The following NDEL1 variants were observed in gnomAD, a reference collection of about 807,000 sequenced individuals.
NDEL1 encodes nuclear distribution protein nudE-like 1.
In NDEL1, 9 loss-of-function variants were observed where a neutral mutation model predicts 45.7. The observed-to-expected ratio is 0.20, with a 90% confidence interval of 0.12 to 0.34. The LOEUF is 0.34. Among genes scored for constraint, NDEL1 ranks in the 10% least tolerant of loss-of-function variants. The pLI is 1.00. For missense variants in NDEL1, 306 were observed against 406.2 expected (o/e 0.75, Z 2.12); for synonymous variants, 133 against 158.6 (o/e 0.84, Z 1.21).
intron 6 of NDEL1, among the ~76,000 whole-genome samples, chr17:8,452,693 CTTTCTT>C (rs1242804189): frequency 2.1e-5 from 3 of 143,804 alleles, no homozygotes; most frequent in Admixed American, 2.1e-4. Context: ...CTTTCTCTTT[CTTTCTT>C]TTTCTTTCTT....
chr17:8,434,756 C>G (rs1909154105), upstream of NDEL1, among the ~76,000 whole-genome samples: 1 of 151,796 alleles, frequency 6.6e-6, no homozygotes, highest in South Asian at 2.1e-4. Context: ...TGTTTACGTA[C>G]TAAAAATATA....
upstream of NDEL1, among the ~76,000 whole-genome samples, chr17:8,432,359 A>AATATATATATATATATTATATATAAATAT (rs1567722425): frequency 2.5e-4 from 15 of 59,812 alleles, 1 homozygote; most frequent in Middle Eastern, 8.5e-3. Context: ...TATAAATATA[A>AATATATATATATATATTATATATAAATAT]ATATATATAT....
At chr17:8,435,276 C>G (rs1343151996), upstream of NDEL1, among the ~76,000 whole-genome samples, 4 of 22,546 alleles carry the variant, frequency 1.8e-4, no homozygotes, top group Non-Finnish European at 2.5e-3. Context: ...TTTGTGCCAA[C>G]GAATCCATTC....
At chr17:8,463,832 G>A (rs548468303) in intron 8 of NDEL1, among the ~76,000 whole-genome samples, 1 of 152,332 alleles carries the variant, frequency 6.6e-6, no homozygotes, top group East Asian at 1.9e-4. Flanking sequence ...ACATGGGGAC[G>A]TGTGTAAGAT....
chr17:8,443,656 AG>A (rs1206670130), intron 1 of NDEL1, among the ~76,000 whole-genome samples: 3 of 152,154 alleles, frequency 2.0e-5, no homozygotes, highest in Non-Finnish European at 4.4e-5. Context: ...TTGGGAGAGA[AG>A]AACCAGGATG....
intron 1 of NDEL1, among the ~76,000 whole-genome samples, chr17:8,428,932 C>T (rs1238625447): frequency 6.6e-6 from 1 of 152,178 alleles, no homozygotes; most frequent in Non-Finnish European, 1.5e-5. Flanking sequence ...CTTGGCCTCC[C>T]AAAGTGCTGG....
intron 8 of NDEL1, 99 bp downstream of exon 8, chr17:8,460,259 C>A: frequency 1.6e-6 from 2 of 1,277,046 alleles, no homozygotes; most frequent in Non-Finnish European, 2.2e-6. Context: ...CTCAGCTTGA[C>A]AAACCTTCCC....
At chr17:8,443,839 T>C (rs188680744) in intron 1 of NDEL1, 1 of 153,228 alleles carries the variant, frequency 6.5e-6, no homozygotes, top group African/African-American at 2.4e-5. Context: ...AGCAGATGTT[T>C]TGAAGCAGTT....
intron 1 of NDEL1, among the ~76,000 whole-genome samples, chr17:8,439,036 G>C (rs374698941): frequency 1.3e-5 from 2 of 150,920 alleles, no homozygotes; most frequent in Non-Finnish European, 1.5e-5. Flanking sequence ...CTGCCTCCCG[G>C]GTTCACGCCA....
chr17:8,424,794 G>A (rs1597513111), intron 1 of NDEL1, among the ~76,000 whole-genome samples: 1 of 142,730 alleles, frequency 7.0e-6, no homozygotes, highest in Admixed American at 7.0e-5. Flanking sequence ...GTGAGCCACC[G>A]CGCCCACAGC....
chr17:8,440,851 A>C (rs908934552), intron 1 of NDEL1, among the ~76,000 whole-genome samples: 1 of 152,254 alleles, frequency 6.6e-6, no homozygotes, highest in Non-Finnish European at 1.5e-5. Context: ...CTCTGATACT[A>C]TATAAATGGG....
chr17:8,457,751 G>A (rs1206086258), intron 7 of NDEL1, among the ~76,000 whole-genome samples: 1 of 152,032 alleles, frequency 6.6e-6, no homozygotes, highest in African/African-American at 2.4e-5. Flanking sequence ...GCAAATTCCT[G>A]TCCGTGGCTA....
chr17:8,441,335 A>C (rs1454930912), intron 1 of NDEL1, among the ~76,000 whole-genome samples: 2 of 152,222 alleles, frequency 1.3e-5, no homozygotes, highest in Non-Finnish European at 2.9e-5. Context: ...CAAAGGCTAC[A>C]AAACCAGAGG....
intron 3 of NDEL1, chr17:8,474,261 C>CT (rs1912145527): frequency 6.6e-6 from 1 of 152,606 alleles, no homozygotes; most frequent in South Asian, 2.1e-4. Context: ...TCCACGGGTG[C>CT]TTTTTTCTTC....
At chr17:8,474,256 G>A (rs947060952) in intron 3 of NDEL1, 1 of 152,570 alleles carries the variant, frequency 6.6e-6, no homozygotes, top group Admixed American at 6.5e-5. Context: ...TATTCTCCAC[G>A]GGTGCTTTTT....
chr17:8,434,482 G>A (rs1445561798), upstream of NDEL1, among the ~76,000 whole-genome samples: 1 of 152,160 alleles, frequency 6.6e-6, no homozygotes, highest in East Asian at 1.9e-4. Context: ...TTCCCAAAGT[G>A]CTGCAGCGCC....
downstream of NDEL1, among the ~76,000 whole-genome samples, chr17:8,471,846 G>A (rs148272048): frequency 9.9e-4 from 151 of 152,242 alleles, 2 homozygotes; most frequent in South Asian, 3.1e-3. Context: ...GACTTAGGAC[G>A]GCATTTTGGC....
At chr17:8,425,856 A>G (rs1371746616) in intron 1 of NDEL1, among the ~76,000 whole-genome samples, 9 of 151,896 alleles carry the variant, frequency 5.9e-5, no homozygotes, top group Non-Finnish European at 1.2e-4. Context: ...CCATGGTACA[A>G]TCATGGCTCA....
chr17:8,452,544 T>G (rs976703592), intron 6 of NDEL1, among the ~76,000 whole-genome samples: 1 of 152,210 alleles, frequency 6.6e-6, no homozygotes, highest in Non-Finnish European at 1.5e-5. Context: ...CACTGCAATT[T>G]CATTACAAGA....
Sources: allele counts gnomAD v4.1 joint callset (sites outside exome capture counted in the v4.1 genomes callset), GRCh38; gene constraint gnomAD v4.1.1; transcripts MANE v1.5; gene names NCBI Gene and HGNC (gene_info 2026-07-23, HGNC 2026-07-21).